Variants in NDUFA10 observed in about 807,000 individuals in gnomAD.
NDUFA10 encodes NADH:ubiquinone oxidoreductase subunit A10, also known as NADH dehydrogenase [ubiquinone] 1 alpha subcomplex subunit 10, mitochondrial.
A neutral mutation model predicts 47.8 loss-of-function variants in NDUFA10; 40 were observed. The observed-to-expected ratio is 0.84, with a 90% confidence interval of 0.65 to 1.09. NDUFA10 has a LOEUF of 1.09. NDUFA10 is among the 50% of genes least tolerant of loss of function. The pLI, the probability that NDUFA10 is intolerant of heterozygous loss-of-function variation, is 0.00. For synonymous variants in NDUFA10, 183 were observed against 172.2 expected, an observed-to-expected ratio of 1.06 and a Z score of -0.49; for missense variants, 413 against 451.1, an observed-to-expected ratio of 0.92 and a Z score of 0.76.
chr2:239,947,440 G>A (rs902737444), intron 4 of NDUFA10, among the ~76,000 whole-genome samples: 1 of 152,166 alleles, frequency 6.6e-6, no homozygotes, highest in Non-Finnish European at 1.5e-5. Context: ...CCAAATGCTC[G>A]GCCTAAGGAA....
intron 4 of NDUFA10, among the ~76,000 whole-genome samples, chr2:239,946,113 G>A (rs1287279064): frequency 2.6e-5 from 4 of 152,162 alleles, no homozygotes; most frequent in African/African-American, 9.7e-5. Context: ...GTGTGTGTTC[G>A]GCCCCTGCTC....
chr2:240,008,723 A>G (rs1574882011), intron 6 of NDUFA10, among the ~76,000 whole-genome samples: 2 of 152,238 alleles, frequency 1.3e-5, no homozygotes, highest in African/African-American at 4.8e-5. Context: ...AACAGACATT[A>G]GCTGAAGCCC....
In NDUFA10 at chr2:239,959,741, G is replaced by A. The variant is rs1694771755; in HGVS notation, c.*1377C>T. 1 of 708,646 alleles carries A rather than the reference G, an allele frequency of 1.4e-6. No homozygotes were observed. Among genetic ancestry groups the A allele is most frequent in the African/African-American group, 2.0e-5 (1 of 50,596 alleles). 43.9% of individuals were successfully genotyped at this position (708,646 alleles called of 1,614,324 possible). A position where few individuals can be genotyped will look rare whatever the true frequency, so the allele number is the denominator to read the frequency against. On this transcript the variant is annotated 3_prime_UTR_variant, in exon 10 of 10. Transcript: ENST00000252711. Reference sequence around the variant, plus strand: ...CAAGGACAGACGGAAGGAAGGAAGAGAAGGAGGGAAGGAAAGAGGCAGGGA... The same window carrying A: ...CAAGGACAGACGGAAGGAAGGAAGAAAAGGAGGGAAGGAAAGAGGCAGGGA...
At chr2:239,963,159 A>G (rs1694924151) in intron 9 of NDUFA10, among the ~76,000 whole-genome samples, 1 of 152,222 alleles carries the variant, frequency 6.6e-6, no homozygotes, top group Non-Finnish European at 1.5e-5. Flanking sequence ...ACACAAAAAA[A>G]GAAAAACCCA....
chr2:239,953,607 TCA>T (rs71956899), downstream of NDUFA10, among the ~76,000 whole-genome samples: 19,970 of 152,146 alleles, frequency 0.13, 1,321 homozygotes, highest in East Asian at 0.19. Context: ...CTCTGGACAC[TCA>T]CAGTTTGCTC....
intron 4 of NDUFA10, among the ~76,000 whole-genome samples, chr2:239,914,834 C>T (rs1411246505): frequency 6.7e-6 from 1 of 149,682 alleles, no homozygotes. Context: ...TACATACACA[C>T]ACACAAATAT....
intron 4 of NDUFA10, among the ~76,000 whole-genome samples, chr2:239,923,530 G>T (rs919745254): frequency 2.0e-5 from 3 of 151,898 alleles, no homozygotes; most frequent in African/African-American, 7.3e-5. Context: ...ATAATACATG[G>T]GTTCAAGAAA....
At chr2:240,019,430 C>T (rs1697515595) in intron 3 of NDUFA10, among the ~76,000 whole-genome samples, 1 of 152,000 alleles carries the variant, frequency 6.6e-6, no homozygotes, top group African/African-American at 2.4e-5. Flanking sequence ...GTTACTATAG[C>T]ACCAAAAAAA....
intron 9 of NDUFA10, among the ~76,000 whole-genome samples, chr2:239,979,257 C>T (rs1312973323): frequency 1.3e-5 from 2 of 152,010 alleles, no homozygotes; most frequent in Non-Finnish European, 2.9e-5. Context: ...AACCCCACCC[C>T]ACAGCCCACC....
intron 9 of NDUFA10, among the ~76,000 whole-genome samples, chr2:239,989,565 G>A (rs1696159805): frequency 6.6e-6 from 1 of 152,210 alleles, no homozygotes; most frequent in African/African-American, 2.4e-5. Flanking sequence ...ATGGAATCTT[G>A]CCAGAACAAA....
At chr2:239,942,295 C>T (rs566339895) in intron 4 of NDUFA10, among the ~76,000 whole-genome samples, 5 of 152,344 alleles carry the variant, frequency 3.3e-5, no homozygotes, top group African/African-American at 1.2e-4. Context: ...GCTGCTGGGG[C>T]CCACCCACCA....
chr2:239,977,042 G>A (rs1385574334), intron 9 of NDUFA10, among the ~76,000 whole-genome samples: 1 of 152,094 alleles, frequency 6.6e-6, no homozygotes, highest in African/African-American at 2.4e-5. Flanking sequence ...TGGTGCCTTT[G>A]ACTCCATCCA....
chr2:239,938,343 G>GC (rs1345798057), intron 4 of NDUFA10, among the ~76,000 whole-genome samples: 1 of 152,194 alleles, frequency 6.6e-6, no homozygotes, highest in African/African-American at 2.4e-5. Flanking sequence ...TGCTGCACAG[G>GC]CCCCCCTGAG....
intron 6 of NDUFA10, among the ~76,000 whole-genome samples, chr2:240,007,842 G>C (rs1193038560): frequency 6.6e-6 from 1 of 152,086 alleles, no homozygotes; most frequent in Non-Finnish European, 1.5e-5. Context: ...AGCACAGGCA[G>C]AGGGCATCTT....
chr2:239,916,785 G>A (rs564081247), intron 4 of NDUFA10, among the ~76,000 whole-genome samples: 37 of 152,350 alleles, frequency 2.4e-4, no homozygotes, highest in African/African-American at 8.2e-4. Flanking sequence ...CCTCCTTCAC[G>A]AGAGCCTTGA....
At chr2:239,939,715 A>C (rs1406144380) in intron 4 of NDUFA10, among the ~76,000 whole-genome samples, 1 of 152,250 alleles carries the variant, frequency 6.6e-6, no homozygotes, top group Non-Finnish European at 1.5e-5. Context: ...GAAAGGATGC[A>C]AACAGGCAAT....
At chr2:239,985,576 A>G (rs1695966559) in intron 9 of NDUFA10, among the ~76,000 whole-genome samples, 1 of 152,112 alleles carries the variant, frequency 6.6e-6, no homozygotes, top group Admixed American at 6.6e-5. Flanking sequence ...ACCGAAAGAG[A>G]GCAGAGAGAA....
intron 4 of NDUFA10, among the ~76,000 whole-genome samples, chr2:239,927,204 A>T (rs188339924): frequency 6.6e-6 from 1 of 152,292 alleles, no homozygotes; most frequent in East Asian, 1.9e-4. Context: ...TATTTTTTTA[A>T]AGTTTTAAAA....
chr2:239,941,588 T>G (rs1304720804), intron 4 of NDUFA10, among the ~76,000 whole-genome samples: 2 of 152,092 alleles, frequency 1.3e-5, no homozygotes, highest in African/African-American at 4.8e-5. Context: ...TAGCTGGGCA[T>G]GATGGCGCAC....
Sources: gnomAD v4.1 joint callset for allele counts (sites outside exome capture counted in the v4.1 genomes callset) on GRCh38, gnomAD v4.1.1 for gene constraint, MANE v1.5 for transcripts, NCBI Gene and HGNC (gene_info 2026-07-23, HGNC 2026-07-21) for gene names.